The following IMMP2L variants were observed in gnomAD, a reference collection of about 807,000 sequenced individuals.
IMMP2L encodes inner mitochondrial membrane peptidase subunit 2.
IMMP2L carries 18 observed loss-of-function variants against 19.3 expected under a neutral mutation model. The ratio of observed to expected loss-of-function variants is 0.93; its 90% CI spans 0.64 to 1.38. IMMP2L has a LOEUF of 1.38. Among genes scored for constraint, IMMP2L ranks in the 40% most tolerant of loss-of-function variants. IMMP2L has a pLI of 0.00. For synonymous variants in IMMP2L, 76 were observed against 73.0 expected (o/e 1.04, Z -0.21); for missense variants, 233 against 218.2 (o/e 1.07, Z -0.43).
chr7:111,219,250 C>A (rs554775038), intron 3 of IMMP2L, among the ~76,000 whole-genome samples: 2 of 152,066 alleles, frequency 1.3e-5, no homozygotes, highest in East Asian at 1.9e-4. Flanking sequence ...AGAATAATGA[C>A]CCAAATACAG....
intron 3 of IMMP2L, among the ~76,000 whole-genome samples, chr7:110,983,206 A>T (rs537418697): frequency 6.6e-6 from 1 of 152,218 alleles, no homozygotes; most frequent in African/African-American, 2.4e-5. Flanking sequence ...ACAAAAACTA[A>T]CAAAATACTG....
chr7:110,941,407 A>C (rs1816718157), intron 4 of IMMP2L, among the ~76,000 whole-genome samples: 1 of 152,190 alleles, frequency 6.6e-6, no homozygotes, highest in Admixed American at 6.6e-5. Context: ...AGGTCTTCTG[A>C]ATGAACAGTA....
At position 110,853,033 on chromosome 7, in the gene IMMP2L, A is replaced by C. The variant is rs75742835; in HGVS notation, c.408+33560T>G. 9.6e-3 allele frequency among the ~76,000 whole-genome samples: 1,460 copies of C among 152,120 alleles called. 22 individuals are homozygous for C. Among genetic ancestry groups the C allele is most frequent in the African/African-American group, 0.032 (1,348 of 41,516 alleles). ...TGGTTATGCAGCAAAAGATTACTAG[A>C]ACAACATGGGAACATGTCCATAATA... On this transcript the variant is annotated intron_variant, in intron 5 of 5. Transcript: ENST00000405709.
At chr7:111,153,916 G>A (rs765392077) in intron 3 of IMMP2L, among the ~76,000 whole-genome samples, 9 of 152,044 alleles carry the variant, frequency 5.9e-5, no homozygotes, top group Non-Finnish European at 1.0e-4. Flanking sequence ...AGATGAAGCA[G>A]AAACAAATTC....
At chr7:111,203,154 C>T (rs1445417231) in intron 3 of IMMP2L, among the ~76,000 whole-genome samples, 1 of 152,080 alleles carries the variant, frequency 6.6e-6, no homozygotes, top group Admixed American at 6.5e-5. Context: ...TGAATTAATT[C>T]TTGAAACAAA....
At chr7:111,153,142 G>A (rs1309200185) in intron 3 of IMMP2L, among the ~76,000 whole-genome samples, 1 of 152,032 alleles carries the variant, frequency 6.6e-6, no homozygotes, top group Non-Finnish European at 1.5e-5. Context: ...CTGCCTTATG[G>A]CAAATAGCTA....
intron 3 of IMMP2L, among the ~76,000 whole-genome samples, chr7:111,262,741 T>A (rs1817448646): frequency 1.3e-5 from 2 of 152,174 alleles, no homozygotes; most frequent in African/African-American, 4.8e-5. Flanking sequence ...ATATTCCTGC[T>A]ATGTGAAGTA....
intron 1 of IMMP2L, among the ~76,000 whole-genome samples, chr7:111,546,413 C>G (rs1848937232): frequency 6.6e-6 from 1 of 152,100 alleles, no homozygotes; most frequent in Admixed American, 6.6e-5. Flanking sequence ...TTGCATTTCT[C>G]TTATTATGAA....
chr7:111,145,296 C>T (rs186353628), intron 3 of IMMP2L, among the ~76,000 whole-genome samples: 99 of 152,188 alleles, frequency 6.5e-4, no homozygotes, highest in African/African-American at 2.1e-3. Context: ...TAGAGAGGAA[C>T]CATGGCTGGA....
chr7:111,330,653 A>G (rs962507948), intron 3 of IMMP2L, among the ~76,000 whole-genome samples: 2 of 151,922 alleles, frequency 1.3e-5, no homozygotes, highest in African/African-American at 4.8e-5. Flanking sequence ...CTGGCAATAG[A>G]TTTATCAAAA....
intron 3 of IMMP2L, among the ~76,000 whole-genome samples, chr7:111,000,400 C>T (rs1452721333): frequency 6.6e-6 from 1 of 152,100 alleles, no homozygotes; most frequent in Non-Finnish European, 1.5e-5. Context: ...TTCAGAGCTA[C>T]AAATGTCAAA....
intron 3 of IMMP2L, among the ~76,000 whole-genome samples, chr7:111,250,537 T>C (rs779686773): frequency 1.1e-4 from 17 of 152,130 alleles, no homozygotes; most frequent in Non-Finnish European, 2.4e-4. Flanking sequence ...AACGGCATGA[T>C]ACTGGTACAA....
intron 3 of IMMP2L, among the ~76,000 whole-genome samples, chr7:111,097,718 A>G (rs214890): frequency 0.84 from 128,297 of 151,834 alleles, 54,649 homozygotes; most frequent in East Asian, 0.89. Context: ...TGGGGTCTAA[A>G]TTTAATTCTA....
At chr7:110,883,913 G>A (rs1223484782) in intron 5 of IMMP2L, among the ~76,000 whole-genome samples, 1 of 151,958 alleles carries the variant, frequency 6.6e-6, no homozygotes, top group Non-Finnish European at 1.5e-5. Flanking sequence ...GGAGGCCATA[G>A]AAAGAATCAC....
chr7:111,242,210 T>G (rs537243923), intron 3 of IMMP2L, among the ~76,000 whole-genome samples: 1 of 152,076 alleles, frequency 6.6e-6, no homozygotes, highest in Non-Finnish European at 1.5e-5. Flanking sequence ...AGGACAGGTG[T>G]GTGTTGCTCA....
chr7:111,334,507 T>C (rs999384617), intron 3 of IMMP2L, among the ~76,000 whole-genome samples: 2 of 152,110 alleles, frequency 1.3e-5, no homozygotes, highest in African/African-American at 4.8e-5. Flanking sequence ...AAAGCAATGG[T>C]CAGAGAAAAA....
At chr7:111,387,975 T>TA (rs750267136) in intron 3 of IMMP2L, among the ~76,000 whole-genome samples, 17,286 of 93,096 alleles carry the variant, frequency 0.19, 1,675 homozygotes, top group African/African-American at 0.28. Flanking sequence ...ACTCTGTCTT[T>TA]AAAAAAAAAA....
chr7:110,746,464 C>T (rs1457891081), intron 5 of IMMP2L, among the ~76,000 whole-genome samples: 1 of 152,176 alleles, frequency 6.6e-6, no homozygotes, highest in Non-Finnish European at 1.5e-5. Flanking sequence ...TTCTTCTCAG[C>T]ACCACATTGT....
rs1348249999 is a variant in IMMP2L, at chr7:111,226,357, C to G, written c.239+260881G>C. 2.0e-5 allele frequency among the ~76,000 whole-genome samples: 3 copies of G among 151,924 alleles called. No homozygotes were observed. In the East Asian group the frequency reaches 5.8e-4, roughly 29 times the overall value. On this transcript the variant is annotated intron_variant, in intron 3 of 5. Transcript: ENST00000405709. ...CTATTTTATTTTTTTATTTTACAGA[C>G]AAGGTCTCACTATGTTGCCCACGCT... is the stretch of plus-strand genomic sequence containing the variant.
Sources: allele counts gnomAD v4.1 joint callset (sites outside exome capture counted in the v4.1 genomes callset), GRCh38; gene constraint gnomAD v4.1.1; transcripts MANE v1.5; gene names NCBI Gene and HGNC (gene_info 2026-07-23, HGNC 2026-07-21).